GABRA2: variants seen among roughly 807,000 people sequenced by gnomAD.
GABRA2 encodes the protein gamma-aminobutyric acid receptor subunit alpha-2.
In GABRA2, 16 loss-of-function variants were observed where a neutral mutation model predicts 48.7. The ratio of observed to expected loss-of-function variants is 0.33; its 90% CI spans 0.22 to 0.50. The LOEUF (loss-of-function observed/expected upper bound fraction) is 0.50, where lower values mean the gene tolerates loss of function less well. GABRA2 is among the 20% of genes least tolerant of loss of function. The probability of loss-of-function intolerance (pLI) is 0.98; values close to 1 mark genes in which losing one functional copy is unlikely to be tolerated. For synonymous variants in GABRA2, 185 were observed against 184.5 expected (o/e 1.00, Z -0.02); for missense variants, 275 against 535.6 (o/e 0.51, Z 4.80).
In GABRA2 at chr4:46,325,858, C is replaced by T. The variant is rs558783359; in HGVS notation, c.255+6757G>A. Among the ~76,000 whole-genome samples, 12 of 151,976 alleles carry T rather than the reference C, an allele frequency of 7.9e-5. 1 individual carries two copies. The highest frequency in any genetic ancestry group is 2.4e-4 in the African/African-American group (10 of 41,494). On this transcript the variant is annotated intron_variant, in intron 4 of 9. Coordinates refer to ENST00000381620, the MANE Select transcript of GABRA2 (RefSeq NM_000807.4). ...TCCTTACCCCACTGCTTGTTTTTGTCGACTTTGTCAAAGATTATCTAGCTA... is the reference window on the plus strand; with the variant it reads ...TCCTTACCCCACTGCTTGTTTTTGTTGACTTTGTCAAAGATTATCTAGCTA...
At chr4:46,272,664 C>T (rs1404992157) in intron 8 of GABRA2, among the ~76,000 whole-genome samples, 1 of 151,806 alleles carries the variant, frequency 6.6e-6, no homozygotes, top group Non-Finnish European at 1.5e-5. Flanking sequence ...TAACGGGGTT[C>T]CCCAGAAAAG....
intron 5 of GABRA2, 131 bp from the exon 6 acceptor site, chr4:46,310,386 A>C: frequency 1.8e-6 from 1 of 545,542 alleles, no homozygotes; most frequent in Non-Finnish European, 3.3e-6. Context: ...TATTTAAATA[A>C]TCTTTTGTTC....
At chr4:46,268,399 T>G (rs1201553710) in intron 8 of GABRA2, among the ~76,000 whole-genome samples, 1 of 151,758 alleles carries the variant, frequency 6.6e-6, no homozygotes, top group Admixed American at 6.6e-5. Context: ...CAAAAGATAT[T>G]CCTCAAGGGA....
At chr4:46,292,094 A>G (rs1286869031) in intron 8 of GABRA2, among the ~76,000 whole-genome samples, 3 of 152,128 alleles carry the variant, frequency 2.0e-5, no homozygotes, top group Non-Finnish European at 2.9e-5. Context: ...GAGAGAGGCA[A>G]GGACTTTAGG....
chr4:46,267,473 A>G (rs1718485094), intron 8 of GABRA2, among the ~76,000 whole-genome samples: 1 of 151,884 alleles, frequency 6.6e-6, no homozygotes, highest in Admixed American at 6.6e-5. Flanking sequence ...TAGAATTTCT[A>G]ATGATTTTTT....
chr4:46,349,991 G>T (rs1734844612), intron 3 of GABRA2, among the ~76,000 whole-genome samples: 2 of 151,598 alleles, frequency 1.3e-5, no homozygotes, highest in Non-Finnish European at 2.9e-5. Flanking sequence ...ATAATAAAAG[G>T]AATTTACCAC....
intron 3 of GABRA2, among the ~76,000 whole-genome samples, chr4:46,348,107 G>A (rs1013780710): frequency 1.3e-5 from 2 of 152,064 alleles, no homozygotes; most frequent in African/African-American, 4.8e-5. Context: ...ATCAAAAAAT[G>A]GGTGAAGGAT....
intron 6 of GABRA2, among the ~76,000 whole-genome samples, chr4:46,306,427 G>A (rs1193400354): frequency 6.6e-6 from 1 of 152,130 alleles, no homozygotes; most frequent in Non-Finnish European, 1.5e-5. Flanking sequence ...GAAATTAGCA[G>A]AAGTAAGATG....
chr4:46,291,071 G>C (rs759239544), intron 8 of GABRA2, among the ~76,000 whole-genome samples: 16 of 152,038 alleles, frequency 1.1e-4, no homozygotes, highest in Non-Finnish European at 2.2e-4. Flanking sequence ...TCTGTTTTTG[G>C]TATGATGGTA....
intron 2 of GABRA2, among the ~76,000 whole-genome samples, chr4:46,388,269 C>G (rs1225241935): frequency 6.6e-6 from 1 of 152,088 alleles, no homozygotes; most frequent in Non-Finnish European, 1.5e-5. Context: ...ACTCAAATCA[C>G]TTAGCTGGTA....
At chr4:46,310,815 G>C (rs928679204) in intron 5 of GABRA2, among the ~76,000 whole-genome samples, 2 of 151,964 alleles carry the variant, frequency 1.3e-5, no homozygotes, top group Non-Finnish European at 2.9e-5. Flanking sequence ...TTAGATTGTT[G>C]GCTAAATTAT....
chr4:46,336,595 G>A (rs962349943), intron 3 of GABRA2, among the ~76,000 whole-genome samples: 41 of 152,116 alleles, frequency 2.7e-4, no homozygotes, highest in African/African-American at 9.9e-4. Context: ...TTCTCCAGAG[G>A]CAAAATACAA....
chr4:46,275,650 C>T (rs1161078931), intron 8 of GABRA2, among the ~76,000 whole-genome samples: 2 of 152,118 alleles, frequency 1.3e-5, no homozygotes, highest in Non-Finnish European at 2.9e-5. Context: ...CCTATATAAA[C>T]CGCCCCAATG....
chr4:46,275,073 A>G (rs967287155), intron 8 of GABRA2, among the ~76,000 whole-genome samples: 1 of 152,122 alleles, frequency 6.6e-6, no homozygotes, highest in African/African-American at 2.4e-5. Flanking sequence ...GTGGAAAAAG[A>G]AAGGCTTCTT....
chr4:46,309,513 G>C (rs1727271909), intron 6 of GABRA2, among the ~76,000 whole-genome samples: 1 of 152,068 alleles, frequency 6.6e-6, no homozygotes, highest in East Asian at 1.9e-4. Context: ...AGAATGTCAT[G>C]TGGGCCTAGG....
intron 3 of GABRA2, among the ~76,000 whole-genome samples, chr4:46,353,287 C>T (rs1735441954): frequency 6.6e-6 from 1 of 152,042 alleles, no homozygotes; most frequent in South Asian, 2.1e-4. Flanking sequence ...TTCTACTGCT[C>T]CCACCCTGGT....
At chr4:46,338,550 A>G (rs1732662080) in intron 3 of GABRA2, among the ~76,000 whole-genome samples, 1 of 151,996 alleles carries the variant, frequency 6.6e-6, no homozygotes, top group Non-Finnish European at 1.5e-5. Context: ...GTTAATAATA[A>G]ATTCTGGGAA....
intron 8 of GABRA2, among the ~76,000 whole-genome samples, chr4:46,293,364 A>T (rs1056478844): frequency 6.6e-6 from 1 of 152,150 alleles, no homozygotes; most frequent in Admixed American, 6.5e-5. Flanking sequence ...TTCTTCCCCA[A>T]GGAGACCTTT....
At chr4:46,342,889 C>T (rs1289659938) in intron 3 of GABRA2, among the ~76,000 whole-genome samples, 1 of 151,984 alleles carries the variant, frequency 6.6e-6, no homozygotes, top group African/African-American at 2.4e-5. Flanking sequence ...CCTTGAACTC[C>T]TGGCTTCAAG....
Sources: gnomAD v4.1 joint callset for allele counts (sites outside exome capture counted in the v4.1 genomes callset) on GRCh38, gnomAD v4.1.1 for gene constraint, MANE v1.5 for transcripts, NCBI Gene and HGNC (gene_info 2026-07-23, HGNC 2026-07-21) for gene names.